The following LRP1B variants were observed in gnomAD, a reference collection of about 807,000 sequenced individuals.
The protein encoded by LRP1B is LDL receptor related protein 1B.
A neutral mutation model predicts 556.6 loss-of-function variants in LRP1B; 217 were observed. That is an observed-to-expected ratio of 0.39 (90% CI 0.35 to 0.44). The LOEUF (loss-of-function observed/expected upper bound fraction) is 0.44. LRP1B is among the 20% of genes least tolerant of loss of function. The pLI, the probability that LRP1B is intolerant of heterozygous loss-of-function variation, is 1.00. For missense variants in LRP1B, 5,053 were observed against 5,620.8 expected, an observed-to-expected ratio of 0.90 and a Z score of 3.23; for synonymous variants, 2,047 against 1,865.8, an observed-to-expected ratio of 1.10 and a Z score of -2.50.
At chr2:141,247,483 T>C (rs1684111108) in intron 4 of LRP1B, 129 bp from the exon 5 acceptor site, 2 of 1,007,082 alleles carry the variant, frequency 2.0e-6, no homozygotes, top group Admixed American at 4.7e-5. Context: ...AATAAGTCTT[T>C]TCAAAACCAC....
At chr2:141,704,748 C>G (rs1032547031) in intron 2 of LRP1B, among the ~76,000 whole-genome samples, 1 of 151,948 alleles carries the variant, frequency 6.6e-6, no homozygotes, top group Admixed American at 6.6e-5. Flanking sequence ...TAACCACATG[C>G]TTTCTCTCCA....
At chr2:140,321,864 A>T (rs1680152219) in intron 82 of LRP1B, 99 bp downstream of exon 82, 1 of 1,223,686 alleles carries the variant, frequency 8.2e-7, no homozygotes. Context: ...AAGGTAGCTA[A>T]ACTGATGATG....
At chr2:141,542,170 G>T (rs1387069197) in intron 2 of LRP1B, among the ~76,000 whole-genome samples, 1 of 151,976 alleles carries the variant, frequency 6.6e-6, no homozygotes, top group Non-Finnish European at 1.5e-5. Context: ...ACAATTGCAA[G>T]CTTTGCAGAT....
chr2:141,685,945 G>C (rs1002629975), intron 2 of LRP1B, among the ~76,000 whole-genome samples: 2 of 151,988 alleles, frequency 1.3e-5, no homozygotes, highest in Non-Finnish European at 2.9e-5. Flanking sequence ...AAACATTCAA[G>C]TACATACACT....
At chr2:140,636,474 C>T (rs1684074524) in intron 41 of LRP1B, among the ~76,000 whole-genome samples, 1 of 151,936 alleles carries the variant, frequency 6.6e-6, no homozygotes, top group African/African-American at 2.4e-5. Context: ...AAAATGTATT[C>T]CTGCATTTAA....
intron 2 of LRP1B, among the ~76,000 whole-genome samples, chr2:141,746,628 T>G (rs1350095835): frequency 6.6e-6 from 1 of 152,084 alleles, no homozygotes; most frequent in African/African-American, 2.4e-5. Context: ...GCACACCTGA[T>G]TTTTGGTTTC....
chr2:140,981,783 G>A lies in LRP1B; in HGVS notation c.2887+377C>T, dbSNP rs568055440. 1.4e-4 allele frequency among the ~76,000 whole-genome samples: 21 copies of A among 152,104 alleles called. No homozygotes were observed. The South Asian group carries it at 4.2e-3, about 30-fold the overall frequency. The stretch of plus-strand genomic sequence containing the variant: ...ACATATACATGCCAATAAGAAACAT[G>A]TCCTCCTCCCTTACCCCAAATGTTA... On this transcript the variant is annotated intron_variant, in intron 18 of 90. Transcript: ENST00000389484.
At chr2:141,464,992 A>G (rs1308536645) in intron 3 of LRP1B, among the ~76,000 whole-genome samples, 1 of 151,550 alleles carries the variant, frequency 6.6e-6, no homozygotes, top group African/African-American at 2.4e-5. Context: ...CAGTGGGCTA[A>G]GGAAAGGAAA....
At chr2:140,705,154 A>T (rs1449303280) in intron 37 of LRP1B, among the ~76,000 whole-genome samples, 2 of 152,116 alleles carry the variant, frequency 1.3e-5, no homozygotes, top group Non-Finnish European at 2.9e-5. Context: ...ATAACACAGA[A>T]ATATATAATG....
chr2:140,595,114 A>C (rs868004561), intron 43 of LRP1B, among the ~76,000 whole-genome samples: 4,470 of 85,684 alleles, frequency 0.052, 194 homozygotes, highest in African/African-American at 0.091. Flanking sequence ...ATATATATAT[A>C]TATATATATA....
chr2:141,164,873 A>T (rs1050065627), intron 7 of LRP1B, among the ~76,000 whole-genome samples: 4 of 152,004 alleles, frequency 2.6e-5, no homozygotes, highest in Non-Finnish European at 5.9e-5. Flanking sequence ...AATTTCTTCT[A>T]TGTTTTCCTA....
intron 3 of LRP1B, among the ~76,000 whole-genome samples, chr2:141,354,922 T>C (rs984638998): frequency 4.6e-5 from 7 of 152,172 alleles, no homozygotes; most frequent in Admixed American, 2.6e-4. Flanking sequence ...AGCCAAGTTC[T>C]ACATTTAGTT....
intron 21 of LRP1B, among the ~76,000 whole-genome samples, chr2:140,917,379 A>G (rs1376535648): frequency 6.6e-6 from 1 of 152,170 alleles, no homozygotes; most frequent in African/African-American, 2.4e-5. Flanking sequence ...ACTTATGTCC[A>G]CCCAAAAGCC....
At position 140,464,790 on chromosome 2, in the gene LRP1B, G is replaced by C. The variant is rs142611252; in HGVS notation, c.9626-7139C>G. On this transcript the variant is annotated intron_variant, in intron 60 of 90. Transcript: ENST00000389484. The stretch of plus-strand genomic sequence containing the variant: ...CACACATATACATAGGAATTTCTTT[G>C]TTAGAGAGTCTTAATAAAAACTGAA... Among the ~76,000 whole-genome samples, 301 of 152,282 alleles carry C rather than the reference G, an allele frequency of 2.0e-3. 2 individuals are homozygous for C. Among genetic ancestry groups the C allele is most frequent in the Admixed American group, 4.1e-3 (62 of 15,300 alleles).
In LRP1B at chr2:141,022,135, T is replaced by C. The variant is rs191407403; in HGVS notation, c.1790-2033A>G. 2.3e-3 allele frequency among the ~76,000 whole-genome samples: 349 copies of C among 151,744 alleles called. 2 individuals carry two copies. The highest frequency in any genetic ancestry group is 8.1e-3 in the African/African-American group (338 of 41,510). On this transcript the variant is annotated intron_variant, in intron 11 of 90. Coordinates refer to ENST00000389484, the MANE Select transcript of LRP1B (RefSeq NM_018557.3). ...TGTGATGTTCTTAATGGTTGGCATA[T>C]ACTAAATAATATATAATGATTATTA...
In LRP1B at chr2:141,393,810, T is replaced by C. The variant is rs570986082; in HGVS notation, c.343+86586A>G. On this transcript the variant is annotated intron_variant, in intron 3 of 90. Transcript: ENST00000389484. ...AAAGCAGAGTTATACAAAGCAAAAA[T>C]AGAAAAATAGAAAATAAAGATGTGC... Among the ~76,000 whole-genome samples, 5 of 152,044 alleles carry C rather than the reference T, an allele frequency of 3.3e-5. No individual in the cohort carries two copies. The South Asian group carries it at 1.0e-3, about 32-fold the overall frequency.
chr2:141,831,661 G>A (rs13385783), intron 1 of LRP1B, among the ~76,000 whole-genome samples: 23,553 of 151,512 alleles, frequency 0.16, 1,931 homozygotes, highest in Non-Finnish European at 0.17. Context: ...TATGGCTCCA[G>A]TAAATTATTT....
intron 32 of LRP1B, among the ~76,000 whole-genome samples, chr2:140,780,874 A>G (rs536409171): frequency 1.8e-4 from 28 of 152,318 alleles, no homozygotes; most frequent in African/African-American, 6.7e-4. Context: ...GTAGCCAAAC[A>G]GTGGGAGACA....
At chr2:141,219,921 C>A (rs1682967234) in intron 6 of LRP1B, among the ~76,000 whole-genome samples, 1 of 151,990 alleles carries the variant, frequency 6.6e-6, no homozygotes, top group Admixed American at 6.6e-5. Flanking sequence ...CCATAAAAAC[C>A]CCATCAGCAG....
Sources: gnomAD v4.1 joint callset for allele counts (sites outside exome capture counted in the v4.1 genomes callset) on GRCh38, gnomAD v4.1.1 for gene constraint, MANE v1.5 for transcripts, NCBI Gene and HGNC (gene_info 2026-07-23, HGNC 2026-07-21) for gene names.